The following NARS2 variants were observed in gnomAD, a reference collection of about 807,000 sequenced individuals.
NARS2 encodes asparaginyl-tRNA synthetase.
NARS2 carries 60 observed loss-of-function variants against 62.9 expected under a neutral mutation model. The ratio of observed to expected loss-of-function variants is 0.95; its 90% confidence interval spans 0.77 to 1.18. The LOEUF is 1.18. NARS2 is among the 50% of genes most tolerant of loss of function. The probability of loss-of-function intolerance (pLI) is 0.00; values close to 1 mark genes in which losing one functional copy is unlikely to be tolerated. For missense variants in NARS2, 619 were observed against 576.4 expected (o/e 1.07, Z -0.76); for synonymous variants, 196 against 200.0 (o/e 0.98, Z 0.17).
At chr11:78,499,564 A>G (rs1299829415) in intron 6 of NARS2, among the ~76,000 whole-genome samples, 1 of 152,264 alleles carries the variant, frequency 6.6e-6, no homozygotes, top group African/African-American at 2.4e-5. Flanking sequence ...CTAGAGAGTA[A>G]CAGCATCAGT....
chr11:78,489,037 C>T (rs1859699746), intron 7 of NARS2, among the ~76,000 whole-genome samples: 1 of 152,070 alleles, frequency 6.6e-6, no homozygotes, highest in Non-Finnish European at 1.5e-5. Context: ...TATAAAACAT[C>T]ATAAAATCCT....
intron 11 of NARS2, among the ~76,000 whole-genome samples, chr11:78,454,686 T>G (rs902754573): frequency 3.3e-5 from 5 of 151,728 alleles, no homozygotes; most frequent in Non-Finnish European, 5.9e-5. Context: ...TGGCGTGATC[T>G]CGGCTCACTG....
intron 3 of NARS2, among the ~76,000 whole-genome samples, chr11:78,567,375 G>A (rs1466083694): frequency 1.3e-5 from 2 of 152,136 alleles, no homozygotes; most frequent in Non-Finnish European, 2.9e-5. Flanking sequence ...AAGATTCCAT[G>A]ACACAATGAG....
rs1859895778 is a variant in NARS2 at position 78,493,064 on chromosome 11, T to C, written c.821A>G (p.Gln274Arg). The change falls in exon 7 of 14, where the codon CAG becomes CGG. Residue 274 changes from glutamine (Q) to arginine (R), a missense_variant and splice_region_variant. Transcript: ENST00000281038. The part of the protein sequence containing the change: ...SFVDSLQDLM[Q>R]VIEELFKATT... ...GTATTTTAAAACTTGTGTACCTACC[T>C]GCATAAGATCTTGAAGGCTGTCAAC... 1.2e-6 allele frequency: 2 copies of C among 1,608,100 alleles called. No homozygotes were observed. The highest frequency in any genetic ancestry group is 1.7e-6 in the Non-Finnish European group (2 of 1,178,072).
chr11:78,472,025 T>G (rs1262344564), intron 9 of NARS2, among the ~76,000 whole-genome samples: 1 of 152,154 alleles, frequency 6.6e-6, no homozygotes, highest in African/African-American at 2.4e-5. Flanking sequence ...GCAGTAAGAT[T>G]TTGTACCATT....
intron 1 of NARS2, chr11:78,571,785 AAAT>A: frequency 5.2e-6 from 1 of 191,932 alleles, no homozygotes; most frequent in Non-Finnish European, 1.1e-5. Flanking sequence ...GCCCAACAAT[AAAT>A]AACAGGGCAC....
In NARS2 at chr11:78,479,152, C is replaced by T. The variant is rs186781969; in HGVS notation, c.823-469G>A. Reference sequence around the variant, plus strand: ...AGAACATTTTGAAAAGTGGTTCATTCGCTCATTGGTAAATGAAAGTCAACT... The same window carrying T: ...AGAACATTTTGAAAAGTGGTTCATTTGCTCATTGGTAAATGAAAGTCAACT... On this transcript the variant is annotated intron_variant, in intron 7 of 13. Transcript: ENST00000281038. Among the ~76,000 whole-genome samples, 308 of 152,176 alleles carry T rather than the reference C, an allele frequency of 2.0e-3. 2 individuals carry two copies. Among genetic ancestry groups the T allele is most frequent in the South Asian group, 5.8e-3 (28 of 4,812 alleles).
intron 11 of NARS2, among the ~76,000 whole-genome samples, chr11:78,451,383 A>G (rs1857966950): frequency 6.6e-6 from 1 of 152,242 alleles, no homozygotes; most frequent in African/African-American, 2.4e-5. Context: ...TCTCCTAGAG[A>G]TAAAAGGTAC....
intron 11 of NARS2, among the ~76,000 whole-genome samples, chr11:78,464,172 G>C (rs1463137176): frequency 6.6e-6 from 1 of 151,852 alleles, no homozygotes; most frequent in Non-Finnish European, 1.5e-5. Flanking sequence ...TCTTTAGGCG[G>C]CGTGTCTGGA....
chr11:78,539,903 CAA>C (rs1275077411), intron 5 of NARS2, among the ~76,000 whole-genome samples: 1 of 152,148 alleles, frequency 6.6e-6, no homozygotes, highest in Non-Finnish European at 1.5e-5. Context: ...ATCTGATAAA[CAA>C]AGTCATTCCT....
intron 10 of NARS2, 125 bp from the exon 11 acceptor site, chr11:78,466,138 G>T: frequency 2.1e-6 from 2 of 945,318 alleles, no homozygotes; most frequent in African/African-American, 1.7e-5. Flanking sequence ...TGTGGAGCTA[G>T]CTGCTAAGGT....
chr11:78,474,514 G>C (rs1235136368), intron 9 of NARS2, among the ~76,000 whole-genome samples: 1 of 152,170 alleles, frequency 6.6e-6, no homozygotes, highest in Non-Finnish European at 1.5e-5. Flanking sequence ...CAGGTTTTCT[G>C]AATCATGGTT....
chr11:78,554,771 C>A (rs918275090), intron 5 of NARS2, among the ~76,000 whole-genome samples: 1 of 152,110 alleles, frequency 6.6e-6, no homozygotes, highest in African/African-American at 2.4e-5. Flanking sequence ...ATTTATCTTG[C>A]CTGACTGCTG....
Position 78,469,253 on chromosome 11 carries a change from G to T in NARS2, c.1020C>A (p.Thr340=). 6.2e-7 allele frequency: 1 copy of T among 1,607,864 alleles called. No homozygotes were observed. The highest frequency in any genetic ancestry group is 1.3e-5 in the African/African-American group (1 of 74,844). Residue 340 remains threonine, a synonymous_variant, in exon 10 of 14, where the codon ACC becomes ACA. Transcript: ENST00000281038. ...LKQASQNFTF[T]PEWGADLRTE... ...CATACACACAAAATACTACCTCTGG[G>T]GTAAAGGTGAAGTTCTGGGATGCTT... is the stretch of plus-strand genomic sequence containing the variant.
At chr11:78,446,641 C>T (rs985026492) in intron 11 of NARS2, among the ~76,000 whole-genome samples, 5 of 152,218 alleles carry the variant, frequency 3.3e-5, no homozygotes, top group Middle Eastern at 3.4e-3. Flanking sequence ...GCCTGAGAAA[C>T]AGTATCCTTG....
At chr11:78,536,692 A>T (rs750928228) in intron 5 of NARS2, among the ~76,000 whole-genome samples, 1 of 152,214 alleles carries the variant, frequency 6.6e-6, no homozygotes, top group African/African-American at 2.4e-5. Flanking sequence ...GAGTACGCTA[A>T]GATAATCTAG....
At chr11:78,489,777 T>C (rs545732388) in intron 7 of NARS2, among the ~76,000 whole-genome samples, 83 of 152,236 alleles carry the variant, frequency 5.5e-4, no homozygotes, top group African/African-American at 2.0e-3. Flanking sequence ...TGAGTCTGGG[T>C]GGCTGCGGCT....
chr11:78,562,795 C>T (rs1398434196), intron 4 of NARS2, among the ~76,000 whole-genome samples: 1 of 152,126 alleles, frequency 6.6e-6, no homozygotes, highest in Non-Finnish European at 1.5e-5. Flanking sequence ...CATACTCAAA[C>T]CAAGAAATAA....
chr11:78,492,500 T>C (rs1859868169), intron 7 of NARS2, among the ~76,000 whole-genome samples: 1 of 152,220 alleles, frequency 6.6e-6, no homozygotes. Flanking sequence ...ACTATGGCAC[T>C]GAAATACAAG....
Sources: allele counts gnomAD v4.1 joint callset (sites outside exome capture counted in the v4.1 genomes callset), GRCh38; gene constraint gnomAD v4.1.1; transcripts MANE v1.5; gene names NCBI Gene and HGNC (gene_info 2026-07-23, HGNC 2026-07-21).